Variants in SH3BP4 observed in about 807,000 individuals in gnomAD.
SH3BP4 encodes the protein SH3 domain binding protein 4.
A neutral mutation model predicts 65.5 loss-of-function variants in SH3BP4; 33 were observed. That is an observed-to-expected ratio of 0.50 (90% CI 0.38 to 0.67). The LOEUF (loss-of-function observed/expected upper bound fraction) is 0.67. Ranked by LOEUF, SH3BP4 falls within the 30% of genes least tolerant of loss-of-function variation. The pLI, the probability that SH3BP4 is intolerant of heterozygous loss-of-function variation, is 0.00. For synonymous variants in SH3BP4, 552 were observed against 545.5 expected (o/e 1.01, Z -0.17); for missense variants, 1,134 against 1,261.4 (o/e 0.90, Z 1.53).
chr2:234,990,864 C>G (rs895855331), intron 1 of SH3BP4, among the ~76,000 whole-genome samples: 1 of 152,196 alleles, frequency 6.6e-6, no homozygotes, highest in Non-Finnish European at 1.5e-5. Flanking sequence ...AGCCCTTTCT[C>G]CCTTAGCATC....
At chr2:235,024,723 T>C (rs1694946383) in intron 2 of SH3BP4, among the ~76,000 whole-genome samples, 1 of 152,112 alleles carries the variant, frequency 6.6e-6, no homozygotes. Flanking sequence ...AAACATTCCT[T>C]TGAGTTAATG....
At chr2:234,998,336 A>G (rs1267373776) in intron 2 of SH3BP4, among the ~76,000 whole-genome samples, 1 of 152,170 alleles carries the variant, frequency 6.6e-6, no homozygotes, top group Non-Finnish European at 1.5e-5. Flanking sequence ...ACAGGTAAAC[A>G]TAATTTTTTT....
intron 2 of SH3BP4, among the ~76,000 whole-genome samples, chr2:235,017,931 G>A (rs1450276182): frequency 1.3e-5 from 2 of 152,178 alleles, no homozygotes; most frequent in African/African-American, 4.8e-5. Context: ...GGAGCAGAAA[G>A]CACTGTAGGT....
chr2:234,959,775 C>G (rs1352685483), intron 1 of SH3BP4, among the ~76,000 whole-genome samples: 1 of 152,018 alleles, frequency 6.6e-6, no homozygotes, highest in African/African-American at 2.4e-5. Context: ...CCTCAGCCCC[C>G]CAAGTAGCTG....
At chr2:234,999,091 C>T (rs1012957708) in intron 2 of SH3BP4, among the ~76,000 whole-genome samples, 7 of 152,170 alleles carry the variant, frequency 4.6e-5, no homozygotes, top group African/African-American at 1.4e-4. Flanking sequence ...TGCAAATGCA[C>T]GTTGGTGAGG....
chr2:234,985,496 T>C (rs1216777721), intron 1 of SH3BP4, among the ~76,000 whole-genome samples: 1 of 152,174 alleles, frequency 6.6e-6, no homozygotes, highest in Non-Finnish European at 1.5e-5. Flanking sequence ...TTGACACTTG[T>C]GCATAAGCAT....
chr2:235,038,243 TATATATTATATATA>T lies in SH3BP4; in HGVS notation c.119-2638_119-2625del. 3.9e-5 allele frequency among the ~76,000 whole-genome samples: 2 copies of T among 50,954 alleles called. 1 individual carries two copies. The highest frequency in any genetic ancestry group is 2.1e-3 in the East Asian group (2 of 946). 33.4% of individuals were successfully genotyped at this position (50,954 alleles called of 152,430 possible). A position where few individuals can be genotyped will look rare whatever the true frequency, so the allele number is the denominator to read the frequency against. On this transcript the variant is annotated intron_variant, in intron 3 of 5. Coordinates refer to ENST00000392011, the MANE Select transcript of SH3BP4 (RefSeq NM_014521.3). ...ATATAAAGGATATATGTATTTTATA[TATATATTATATATA>T]ATATATATTATATATAATATATATT...
chr2:235,044,420 G>A (rs765182967), intron 4 of SH3BP4, among the ~76,000 whole-genome samples: 20 of 152,232 alleles, frequency 1.3e-4, no homozygotes, highest in Non-Finnish European at 2.6e-4. Flanking sequence ...AGCCATATCC[G>A]TGTCCTGGCA....
chr2:234,978,724 A>G lies in SH3BP4; in HGVS notation c.-206-16579A>G, dbSNP rs1314651969. ...AACTGAAACAGAGACAAGCACCCCA[A>G]CAGTAGGGTGCTTCGAGGTCCTGGA... is the stretch of plus-strand genomic sequence containing the variant. On this transcript the variant is annotated intron_variant, in intron 1 of 5. Coordinates refer to ENST00000392011, the MANE Select transcript of SH3BP4 (RefSeq NM_014521.3). The surrounding 1 kb of genome is among the most constrained non-coding windows in gnomAD (Gnocchi z 4.1). 6.6e-6 allele frequency: 1 copy of G among 152,138 alleles called. No individual in the cohort carries two copies. Among genetic ancestry groups the G allele is most frequent in the African/African-American group, 2.4e-5 (1 of 41,406 alleles). 9.4% of individuals were successfully genotyped at this position (152,138 alleles called of 1,614,324 possible).
chr2:235,000,110 G>A (rs1375871524), intron 2 of SH3BP4, among the ~76,000 whole-genome samples: 1 of 152,212 alleles, frequency 6.6e-6, no homozygotes, highest in Non-Finnish European at 1.5e-5. Flanking sequence ...GGTGTGCCTG[G>A]GCCAGGCAGC....
chr2:235,041,315 T>A lies in SH3BP4; in HGVS notation c.546T>A (p.Asp182Glu), dbSNP rs1478238058. The A allele has an allele frequency of 1.2e-6, 2 of 1,614,110 alleles. No individual in the cohort carries two copies. Among genetic ancestry groups the A allele is most frequent in the African/African-American group, 2.7e-5 (2 of 74,940 alleles). Reference sequence around the variant, plus strand: ...ACGTGCCCGTCATGCCCAGCCTGGATGAGCTGAATCCCAAAAGTACTGTGG... The same window carrying A: ...ACGTGCCCGTCATGCCCAGCCTGGAAGAGCTGAATCCCAAAAGTACTGTGG... The part of the protein sequence containing the change: ...NGNVPVMPSL[D>E]ELNPKSTVDL... The change falls in exon 4 of 6, where the codon GAT becomes GAA. Residue 182 changes from aspartate (D) to glutamate (E), a missense_variant. Coordinates refer to ENST00000392011, the MANE Select transcript of SH3BP4 (RefSeq NM_014521.3). The surrounding 1 kb of genome is among the most constrained non-coding windows in gnomAD (Gnocchi z 6.0).
rs539671776 is a variant in SH3BP4 at position 234,997,624 on chromosome 2, C to T, written c.-133+2248C>T. 6.6e-6 allele frequency among the ~76,000 whole-genome samples: 1 copy of T among 152,290 alleles called. No individual in the cohort carries two copies. The highest frequency in any genetic ancestry group is 2.4e-5 in the African/African-American group (1 of 41,552). Reference sequence around the variant, plus strand: ...AGCCGGTGCGGAGATCGAGGCCCCACAAGGCCTGCCCCTGTGGTTGTTCCC... The same window carrying T: ...AGCCGGTGCGGAGATCGAGGCCCCATAAGGCCTGCCCCTGTGGTTGTTCCC... On this transcript the variant is annotated intron_variant, in intron 2 of 5. Transcript: ENST00000392011. The surrounding 1 kb of genome is among the most constrained non-coding windows in gnomAD (Gnocchi z 4.2).
chr2:235,003,714 G>A (rs1694204490), intron 2 of SH3BP4, among the ~76,000 whole-genome samples: 1 of 152,220 alleles, frequency 6.6e-6, no homozygotes, highest in African/African-American at 2.4e-5. Context: ...ACGCTCCTAT[G>A]CAGGGAGATG....
At position 235,045,339 on chromosome 2, in the gene SH3BP4, C is replaced by T. The variant is rs1344881238; in HGVS notation, c.2478+2092C>T. ...CACACCAGCTGTGGAAAATAACCGC[C>T]GAGTAGGTGGCTTTTACACTCATTT... On this transcript the variant is annotated intron_variant, in intron 4 of 5. Transcript: ENST00000392011. The surrounding 1 kb of genome is among the most constrained non-coding windows in gnomAD (Gnocchi z 4.3). 2.6e-5 allele frequency among the ~76,000 whole-genome samples: 4 copies of T among 152,308 alleles called. No individual in the cohort carries two copies. Among genetic ancestry groups the T allele is most frequent in the Admixed American group, 6.5e-5 (1 of 15,304 alleles).
chr2:234,953,780 C>T (rs1692529541), intron 1 of SH3BP4, among the ~76,000 whole-genome samples: 1 of 152,076 alleles, frequency 6.6e-6, no homozygotes, highest in Non-Finnish European at 1.5e-5. Context: ...AAACAGACTC[C>T]AGGAATGTCC....
In SH3BP4 at chr2:235,046,407, AT is replaced by A. The variant is rs1272781815; in HGVS notation, c.2478+3172del. On this transcript the variant is annotated intron_variant, in intron 4 of 5. Coordinates refer to ENST00000392011, the MANE Select transcript of SH3BP4 (RefSeq NM_014521.3). The surrounding 1 kb of genome is among the most constrained non-coding windows in gnomAD (Gnocchi z 4.2). The stretch of plus-strand genomic sequence containing the variant: ...AACATAGTGAGGCTTCATCTCTCCA[AT>A]TTTTTTTTTTTAAATCAGCCAGGTG... Among the ~76,000 whole-genome samples the A allele has an allele frequency of 5.7e-3, 841 of 146,502 alleles. 7 individuals are homozygous for A. The highest frequency in any genetic ancestry group is 0.019 in the African/African-American group (750 of 40,250).
At position 235,034,847 on chromosome 2, in the gene SH3BP4, T is replaced by C; in HGVS notation, c.-132-24T>C. The C allele has an allele frequency of 1.6e-6, 1 of 622,460 alleles. No individual in the cohort carries two copies. The highest frequency in any genetic ancestry group is 2.8e-6 in the Non-Finnish European group (1 of 355,856). The allele number at this position is 622,460 out of a possible 1,614,324, so 38.6% of individuals were successfully genotyped here. ...CCATGTTTCGCTTGCTTAAGGGACT[T>C]TTTTGTTCCTCCTCTACTTTCAGGA... On this transcript the variant is annotated intron_variant, in intron 2 of 5. Coordinates refer to ENST00000392011, the MANE Select transcript of SH3BP4 (RefSeq NM_014521.3). This position sits in a 1 kb window ranked among gnomAD's most constrained non-coding sequence, Gnocchi z 6.2.
At chr2:235,043,893 C>G (rs1417704461) in intron 4 of SH3BP4, among the ~76,000 whole-genome samples, 1 of 152,268 alleles carries the variant, frequency 6.6e-6, no homozygotes, top group Non-Finnish European at 1.5e-5. Flanking sequence ...CCCAGACAAC[C>G]CAAGGACCCT....
chr2:234,984,661 G>A (rs1316055461), intron 1 of SH3BP4, among the ~76,000 whole-genome samples: 1 of 152,146 alleles, frequency 6.6e-6, no homozygotes, highest in African/African-American at 2.4e-5. Context: ...AACCGACTGA[G>A]TGCTCAGGAC....
Sources: allele counts gnomAD v4.1 joint callset (sites outside exome capture counted in the v4.1 genomes callset), GRCh38; gene constraint gnomAD v4.1.1; non-coding constraint Gnocchi (gnomAD v3.1); transcripts MANE v1.5; gene names NCBI Gene and HGNC (gene_info 2026-07-23, HGNC 2026-07-21).